The following ATP10B variants were observed in gnomAD, a reference collection of about 807,000 sequenced individuals.
ATP10B encodes the protein ATPase phospholipid transporting 10B (putative).
In ATP10B, 122 loss-of-function variants were observed where a neutral mutation model predicts 141.2. The observed-to-expected ratio is 0.86, with a 90% CI of 0.75 to 1.00. ATP10B has a LOEUF of 1.00. Ranked by LOEUF, ATP10B falls within the 50% of genes least tolerant of loss-of-function variation. The pLI, the probability that ATP10B is intolerant of heterozygous loss-of-function variation, is 0.00. For missense variants in ATP10B, 1,876 were observed against 1,825.3 expected (o/e 1.03, Z -0.51); for synonymous variants, 685 against 692.0 (o/e 0.99, Z 0.16).
intron 1 of ATP10B, among the ~76,000 whole-genome samples, chr5:160,818,430 C>G (rs1234635545): frequency 6.6e-6 from 1 of 152,176 alleles, no homozygotes; most frequent in Non-Finnish European, 1.5e-5. Flanking sequence ...CAGAGAAATG[C>G]AAATCAGAAC....
At chr5:160,653,161 T>TATATATTATATATACA (rs1207759817) in intron 7 of ATP10B, among the ~76,000 whole-genome samples, 3 of 130,334 alleles carry the variant, frequency 2.3e-5, no homozygotes, top group Non-Finnish European at 3.1e-5. Context: ...AAATACATAA[T>TATATATTATATATACA]ATATATTATA....
chr5:160,735,844 G>A (rs1384353309), intron 2 of ATP10B, among the ~76,000 whole-genome samples: 3 of 152,014 alleles, frequency 2.0e-5, no homozygotes. Flanking sequence ...GAGAAATTTT[G>A]GAAACTTTGT....
At chr5:160,627,050 C>T (rs910971763) in intron 13 of ATP10B, among the ~76,000 whole-genome samples, 2 of 152,106 alleles carry the variant, frequency 1.3e-5, no homozygotes, top group African/African-American at 2.4e-5. Context: ...CCAGCTACTC[C>T]GAAGAACTAC....
the ATP10B span, among the ~76,000 whole-genome samples, chr5:160,890,461 T>G: frequency 2.0e-5 from 3 of 152,198 alleles, no homozygotes; most frequent in Non-Finnish European, 4.4e-5. Flanking sequence ...CTTTGCCCAG[T>G]CCCTGGCAAC....
intron 3 of ATP10B, among the ~76,000 whole-genome samples, chr5:160,708,887 G>T (rs1215941496): frequency 2.0e-5 from 3 of 152,130 alleles, no homozygotes; most frequent in Non-Finnish European, 2.9e-5. Context: ...ACCCCTTAGA[G>T]ACTGAGATTC....
rs184092784 is a variant in ATP10B, at chr5:160,577,958, A to G, written c.3751-8275T>C. ...CTATACCCCTTCTATTTTTTCATCT[A>G]TTTGATCTATACCAGTTTCTTATAT... On this transcript the variant is annotated intron_variant, in intron 24 of 25. Transcript: ENST00000327245. 3.3e-3 allele frequency among the ~76,000 whole-genome samples: 506 copies of G among 152,164 alleles called. 3 individuals carry two copies. The highest frequency in any genetic ancestry group is 6.3e-3 in the Non-Finnish European group (429 of 67,996).
At chr5:160,795,957 A>G (rs1233414737) in intron 1 of ATP10B, among the ~76,000 whole-genome samples, 1 of 152,160 alleles carries the variant, frequency 6.6e-6, no homozygotes. Flanking sequence ...GCCCTAGAAA[A>G]TAAACACAGT....
intron 2 of ATP10B, among the ~76,000 whole-genome samples, chr5:160,749,395 T>TG (rs1768005180): frequency 6.6e-6 from 1 of 151,980 alleles, no homozygotes; most frequent in Non-Finnish European, 1.5e-5. Flanking sequence ...AAGAAGGAGC[T>TG]GGGGGGTTCA....
the ATP10B span, among the ~76,000 whole-genome samples, chr5:160,868,336 TTC>T: frequency 6.6e-6 from 1 of 152,170 alleles, no homozygotes; most frequent in Admixed American, 6.5e-5. Context: ...CTTTGATTCT[TTC>T]TCTCTCACTT....
Position 160,589,681 on chromosome 5 carries a change from C to T in ATP10B, c.3661G>A (p.Asp1221Asn), listed in dbSNP as rs766767375. The stretch of plus-strand genomic sequence containing the variant: ...GTCCCAAAGGTAAAGACATCTATAT[C>T]AGAGCCCTTATAGGCCTGCAGAGGA... The part of the protein sequence containing the change: ...FIPYLAYKGS[D>N]IDVFTFGTPI... The change falls in exon 24 of 26, where the codon GAT (aspartate) becomes AAT (asparagine). Residue 1221 changes from aspartate to asparagine, a missense_variant. By Grantham distance (23) the Asp-to-Asn change is conservative. Coordinates refer to ENST00000327245, the MANE Select transcript of ATP10B (RefSeq NM_025153.3). 7 of 1,613,746 alleles carry T rather than the reference C, an allele frequency of 4.3e-6. No homozygotes were observed. Among genetic ancestry groups the T allele is most frequent in the Non-Finnish European group, 5.9e-6 (7 of 1,179,674 alleles).
chr5:160,815,048 C>A, intron 1 of ATP10B, among the ~76,000 whole-genome samples: 1 of 152,116 alleles, frequency 6.6e-6, no homozygotes, highest in Non-Finnish European at 1.5e-5. Flanking sequence ...ATTGTAAAGA[C>A]CATCGAGGCT....
At chr5:160,777,701 C>T (rs1770435750) in intron 2 of ATP10B, among the ~76,000 whole-genome samples, 1 of 152,132 alleles carries the variant, frequency 6.6e-6, no homozygotes, top group African/African-American at 2.4e-5. Flanking sequence ...CAAAAAGCTA[C>T]CAAACACCAC....
chr5:160,711,802 A>T (rs1251261182), intron 3 of ATP10B, among the ~76,000 whole-genome samples: 2 of 55,112 alleles, frequency 3.6e-5, no homozygotes, highest in Non-Finnish European at 7.1e-5. Flanking sequence ...TACCTAATTT[A>T]TTGAGAGTTT....
At chr5:160,583,741 C>G (rs1755704285) in intron 24 of ATP10B, among the ~76,000 whole-genome samples, 1 of 152,196 alleles carries the variant, frequency 6.6e-6, no homozygotes, top group South Asian at 2.1e-4. Context: ...GAGGAGGAAT[C>G]TAGACAGGCA....
chr5:160,606,594 C>T (rs1757400396), intron 19 of ATP10B, among the ~76,000 whole-genome samples, 171 bp downstream of exon 19: 3 of 152,186 alleles, frequency 2.0e-5, no homozygotes, highest in African/African-American at 7.2e-5. Context: ...CACTGTCCCA[C>T]TTCATCCCCT....
At chr5:160,665,541 G>A (rs1762271576) in intron 7 of ATP10B, among the ~76,000 whole-genome samples, 2 of 152,232 alleles carry the variant, frequency 1.3e-5, no homozygotes, top group South Asian at 4.1e-4. Flanking sequence ...ACGTTAATAT[G>A]TTAATGAACA....
At chr5:160,686,692 T>A (rs1025139157) in intron 5 of ATP10B, among the ~76,000 whole-genome samples, 2 of 152,204 alleles carry the variant, frequency 1.3e-5, no homozygotes, top group African/African-American at 4.8e-5. Flanking sequence ...ATTCTGTTCC[T>A]GTTATTTACT....
intron 18 of ATP10B, among the ~76,000 whole-genome samples, chr5:160,608,289 A>G (rs1475424960): frequency 2.0e-5 from 3 of 152,204 alleles, no homozygotes; most frequent in African/African-American, 7.2e-5. Context: ...ATAGTATTCC[A>G]TGGTGTATAT....
At chr5:160,611,788 A>T (rs757667391) in intron 18 of ATP10B, 3 of 152,090 alleles carry the variant, frequency 2.0e-5, no homozygotes, top group East Asian at 1.9e-4. Flanking sequence ...TCTCCATGGT[A>T]TGTCCTCGGT....
Sources: gnomAD v4.1 joint callset for allele counts (sites outside exome capture counted in the v4.1 genomes callset) on GRCh38, gnomAD v4.1.1 for gene constraint, MANE v1.5 for transcripts, NCBI Gene and HGNC (gene_info 2026-07-23, HGNC 2026-07-21) for gene names.